The following ANP32B variants were observed in gnomAD, a reference collection of about 807,000 sequenced individuals.
The protein encoded by ANP32B is acidic leucine-rich nuclear phosphoprotein 32 family member B.
A neutral mutation model predicts 32.2 loss-of-function variants in ANP32B; 6 were observed. The ratio of observed to expected loss-of-function variants is 0.19; its 90% confidence interval spans 0.10 to 0.37. The LOEUF (loss-of-function observed/expected upper bound fraction) is 0.37, where lower values mean the gene tolerates loss of function less well. Among genes scored for constraint, ANP32B ranks in the 10% least tolerant of loss-of-function variants. The pLI is 1.00. For synonymous variants in ANP32B, 98 were observed against 105.8 expected (o/e 0.93, Z 0.45); for missense variants, 204 against 289.2 (o/e 0.71, Z 2.14).
intron 4 of ANP32B, among the ~76,000 whole-genome samples, chr9:98,005,937 T>G (rs1216178683): frequency 1.3e-5 from 2 of 152,128 alleles, no homozygotes; most frequent in African/African-American, 4.8e-5. Flanking sequence ...TTACAGCCAC[T>G]CCCCATTGCT....
chr9:98,005,480 C>T (rs1828065280), intron 4 of ANP32B, among the ~76,000 whole-genome samples: 1 of 151,936 alleles, frequency 6.6e-6, no homozygotes, highest in Non-Finnish European at 1.5e-5. Flanking sequence ...CATGATTGTT[C>T]CCCACTGCAC....
chr9:98,001,164 C>T (rs1047689722), intron 3 of ANP32B, among the ~76,000 whole-genome samples: 4 of 141,864 alleles, frequency 2.8e-5, no homozygotes, highest in African/African-American at 8.1e-5. Flanking sequence ...CCCTTCTCCC[C>T]GCCACCCCCC....
At position 98,015,917 on chromosome 9, in the gene ANP32B, C is replaced by T. The variant is rs974904606; in HGVS notation, c.*486C>T. ...AAAAAAGTATTTTTAAGAATTTAAG[C>T]GAAATAAACAGTTACTCTTTGGTAA... On this transcript the variant is annotated 3_prime_UTR_variant, in exon 7 of 7. Coordinates refer to ENST00000339399, the MANE Select transcript of ANP32B (RefSeq NM_006401.3). 6 of 980,102 alleles carry T rather than the reference C, an allele frequency of 6.1e-6. No individual in the cohort carries two copies. The Admixed American group carries it at 3.7e-4, about 60-fold the overall frequency. 60.7% of individuals were successfully genotyped at this position (980,102 alleles called of 1,614,324 possible).
At chr9:98,001,733 C>T (rs1827995954) in intron 3 of ANP32B, among the ~76,000 whole-genome samples, 1 of 152,144 alleles carries the variant, frequency 6.6e-6, no homozygotes, top group African/African-American at 2.4e-5. Context: ...CTGTGAAAGT[C>T]TCAGTCCCCC....
At chr9:97,995,223 C>A (rs925283055) in intron 2 of ANP32B, among the ~76,000 whole-genome samples, 1 of 152,164 alleles carries the variant, frequency 6.6e-6, no homozygotes, top group Non-Finnish European at 1.5e-5. Context: ...AATGTCAGAA[C>A]TGGAAGAAAC....
At chr9:97,986,907 A>G (rs536178279) in intron 1 of ANP32B, 1 of 152,368 alleles carries the variant, frequency 6.6e-6, no homozygotes, top group African/African-American at 2.4e-5. Flanking sequence ...ATAGGGGTTT[A>G]ATTGTAAATA....
intron 1 of ANP32B, among the ~76,000 whole-genome samples, chr9:97,989,650 T>G (rs1240433074): frequency 6.6e-6 from 1 of 152,120 alleles, no homozygotes; most frequent in Admixed American, 6.6e-5. Flanking sequence ...TCTGGTTTAT[T>G]CTGAATCTAG....
chr9:98,005,422 C>T (rs533464358), intron 4 of ANP32B: 25 of 205,032 alleles, frequency 1.2e-4, no homozygotes, highest in Middle Eastern at 1.8e-3. Flanking sequence ...GACTGGAGGC[C>T]GAGGTGGGAG....
chr9:98,005,578 G>T (rs1010777), intron 4 of ANP32B, among the ~76,000 whole-genome samples: 2 of 151,804 alleles, frequency 1.3e-5, no homozygotes, highest in Non-Finnish European at 2.9e-5. Flanking sequence ...GTTTGTGTGC[G>T]TGCGCACGCG....
chr9:97,984,895 C>T (rs915022090), intron 1 of ANP32B, among the ~76,000 whole-genome samples: 17 of 150,808 alleles, frequency 1.1e-4, no homozygotes, highest in Non-Finnish European at 1.9e-4. Context: ...GCCGGGCGGC[C>T]TCTGGCCTCC....
At chr9:97,985,803 G>A (rs1315012558) in intron 1 of ANP32B, among the ~76,000 whole-genome samples, 1 of 152,130 alleles carries the variant, frequency 6.6e-6, no homozygotes, top group African/African-American at 2.4e-5. Flanking sequence ...TATATCTACA[G>A]GTGTTCATTT....
intron 3 of ANP32B, among the ~76,000 whole-genome samples, chr9:98,003,942 A>G (rs1048381435): frequency 2.0e-5 from 3 of 152,224 alleles, no homozygotes; most frequent in African/African-American, 7.2e-5. Flanking sequence ...TTTGCCTTTC[A>G]TAGGCTGCTC....
chr9:98,011,445 G>A (rs2131592666), intron 5 of ANP32B, 56 bp downstream of exon 5: 3 of 1,531,638 alleles, frequency 2.0e-6, no homozygotes, highest in Middle Eastern at 1.7e-4. Flanking sequence ...CAAAAGTGGG[G>A]GTTTCAAAAA....
intron 4 of ANP32B, among the ~76,000 whole-genome samples, chr9:98,008,353 A>G (rs189934631): frequency 6.6e-6 from 1 of 152,312 alleles, no homozygotes; most frequent in African/African-American, 2.4e-5. Context: ...TCAGCTCTCA[A>G]AAGAGTTTGA....
At chr9:97,992,012 AG>A (rs1244955989) in intron 1 of ANP32B, among the ~76,000 whole-genome samples, 1 of 152,186 alleles carries the variant, frequency 6.6e-6, no homozygotes, top group Admixed American at 6.5e-5. Flanking sequence ...GCAGTTATGT[AG>A]GCTCTTACAC....
chr9:97,990,013 G>A (rs1002829433), intron 1 of ANP32B, among the ~76,000 whole-genome samples: 1 of 152,200 alleles, frequency 6.6e-6, no homozygotes, highest in Non-Finnish European at 1.5e-5. Flanking sequence ...GTAGGGGTTG[G>A]AGGGGTAGTC....
At chr9:98,010,454 A>T (rs2131592074) in intron 4 of ANP32B, among the ~76,000 whole-genome samples, 1 of 152,254 alleles carries the variant, frequency 6.6e-6, no homozygotes, top group South Asian at 2.1e-4. Flanking sequence ...ATTCTAAATA[A>T]TAATTGCAAG....
intron 1 of ANP32B, among the ~76,000 whole-genome samples, chr9:97,985,128 C>T (rs1309888877): frequency 6.6e-6 from 1 of 151,338 alleles, no homozygotes; most frequent in Non-Finnish European, 1.5e-5. Context: ...CCCCAGCGGG[C>T]CAGTGGCTTT....
At chr9:98,004,525 G>A (rs1828045846) in intron 3 of ANP32B, among the ~76,000 whole-genome samples, 1 of 152,108 alleles carries the variant, frequency 6.6e-6, no homozygotes, top group African/African-American at 2.4e-5. Flanking sequence ...CTAAGATTGT[G>A]TTATAAATCT....
Sources: gnomAD v4.1 joint callset for allele counts (sites outside exome capture counted in the v4.1 genomes callset) on GRCh38, gnomAD v4.1.1 for gene constraint, MANE v1.5 for transcripts, NCBI Gene and HGNC (gene_info 2026-07-23, HGNC 2026-07-21) for gene names.